Variants in HACL1 observed in about 807,000 individuals in gnomAD.
HACL1 encodes the protein 2-hydroxyacyl-CoA lyase 1.
In HACL1, 64 loss-of-function variants were observed where a neutral mutation model predicts 74.2. The observed-to-expected ratio is 0.86, with a 90% CI of 0.70 to 1.06. HACL1 has a LOEUF of 1.06. Ranked by LOEUF, HACL1 falls within the 50% of genes least tolerant of loss-of-function variation. HACL1 has a pLI of 0.00. For missense variants in HACL1, 728 were observed against 719.7 expected (o/e 1.01, Z -0.13); for synonymous variants, 230 against 238.8 (o/e 0.96, Z 0.34).
At chr3:15,587,563 T>C (rs2063816959) in intron 5 of HACL1, among the ~76,000 whole-genome samples, 1 of 152,114 alleles carries the variant, frequency 6.6e-6, no homozygotes, top group Non-Finnish European at 1.5e-5. Flanking sequence ...TAATAAACTA[T>C]TATTTTCCAT....
chr3:15,562,348 A>G (rs2063357718), intron 16 of HACL1, among the ~76,000 whole-genome samples: 1 of 152,084 alleles, frequency 6.6e-6, no homozygotes, highest in African/African-American at 2.4e-5. Flanking sequence ...CTTCCTCATC[A>G]CTAGGTTTCT....
Position 15,572,333 on chromosome 3 carries a change from T to C in HACL1, c.994-564A>G, listed in dbSNP as rs188260837. The stretch of plus-strand genomic sequence containing the variant: ...GTGTCTGCCAGATGCTAACACCTGA[T>C]AGAAAATCAATGGGTAACATGGAAG... On this transcript the variant is annotated intron_variant, in intron 11 of 16. Coordinates refer to ENST00000321169, the MANE Select transcript of HACL1 (RefSeq NM_012260.4). Among the ~76,000 whole-genome samples, 213 of 152,178 alleles carry C rather than the reference T, an allele frequency of 1.4e-3. 1 individual carries two copies. The highest frequency in any genetic ancestry group is 4.8e-3 in the African/African-American group (201 of 41,524).
chr3:15,571,675 G>A lies in HACL1; in HGVS notation c.1088C>T (p.Ala363Val), dbSNP rs775005229. ...LREKMKSNEA[A>V]SKELASKKSL... ...CAGTAGGTCCGATTTTACCTTGGAT[G>A]CAGCTTCATTGCTCTTCATTTTTTC... Residue 363 changes from alanine to valine, a missense_variant, in exon 12 of 17, where the codon GCA becomes GTA. Physicochemically the swap from Ala to Val is moderately conservative, Grantham distance 64. Coordinates refer to ENST00000321169, the MANE Select transcript of HACL1 (RefSeq NM_012260.4). The A allele has an allele frequency of 2.2e-5, 30 of 1,372,784 alleles. No individual in the cohort carries two copies. Among genetic ancestry groups the A allele is most frequent in the Non-Finnish European group, 3.0e-5 (29 of 960,740 alleles). The allele number at this position is 1,372,784 out of a possible 1,614,324, so 85.0% of individuals were successfully genotyped here. A position where few individuals can be genotyped will look rare whatever the true frequency, so the allele number is the denominator to read the frequency against.
At chr3:15,573,746 G>A (rs894520631) in intron 10 of HACL1, among the ~76,000 whole-genome samples, 35 of 152,304 alleles carry the variant, frequency 2.3e-4, no homozygotes, top group African/African-American at 7.0e-4. Flanking sequence ...GTGCTGATGC[G>A]CCTGGCCCAG....
intron 9 of HACL1, among the ~76,000 whole-genome samples, chr3:15,576,388 T>C (rs978158088): frequency 6.6e-6 from 1 of 152,092 alleles, no homozygotes; most frequent in Admixed American, 6.5e-5. Flanking sequence ...TGATTCATAT[T>C]CCAGAATTGC....
intron 8 of HACL1, among the ~76,000 whole-genome samples, chr3:15,581,104 G>C (rs1043059498): frequency 6.6e-6 from 1 of 152,194 alleles, no homozygotes; most frequent in Non-Finnish European, 1.5e-5. Flanking sequence ...GTTTCACCAT[G>C]TTGGCCAGGA....
In HACL1 at chr3:15,563,366, TC is replaced by T; in HGVS notation, c.1695del (p.Lys566ArgfsTer8). 1 of 1,611,896 alleles carries T rather than the reference TC, an allele frequency of 6.2e-7. No individual in the cohort carries two copies. The highest frequency in any genetic ancestry group is 1.1e-5 in the South Asian group (1 of 90,866). On this transcript the variant is annotated frameshift_variant, in exon 16 of 17. Transcript: ENST00000321169. LOFTEE classifies it high-confidence loss of function. The part of the protein sequence containing the change: ...INIMIEPQAT[R>X]KAQDFHWLTR... The stretch of plus-strand genomic sequence containing the variant: ...TTAGCAACTGTATTTACCTGGGCCT[TC>T]CGTGTGGCTTGTGGCTCAATCATGA...
rs1290771557 is a variant in HACL1 at position 15,571,838 on chromosome 3, T to TC, written c.994-70_994-69insG. The TC allele has an allele frequency of 1.5e-4, 88 of 604,662 alleles. No homozygotes were observed. In the Admixed American group the frequency reaches 2.7e-3, roughly 18 times the overall value. 37.5% of individuals were successfully genotyped at this position (604,662 alleles called of 1,614,324 possible). ...TCTTTGCCTTTTTTTTCTTTTTTTT[T>TC]TTTTTTTTTTTTTTTTTTTGAGACG... On this transcript the variant is annotated intron_variant, in intron 11 of 16. Transcript: ENST00000321169.
At chr3:15,561,422 G>A (rs991748430) in intron 16 of HACL1, among the ~76,000 whole-genome samples, 2 of 152,068 alleles carry the variant, frequency 1.3e-5, no homozygotes, top group African/African-American at 4.8e-5. Context: ...AAAGTATAAT[G>A]TATGTAAATT....
chr3:15,589,032 C>T (rs2063844332), intron 5 of HACL1, among the ~76,000 whole-genome samples: 1 of 152,178 alleles, frequency 6.6e-6, no homozygotes, highest in South Asian at 2.1e-4. Context: ...TAAGCAGGGC[C>T]TAAGCTCACC....
intron 4 of HACL1, among the ~76,000 whole-genome samples, chr3:15,590,285 T>C (rs545645020): frequency 6.6e-6 from 1 of 151,852 alleles, no homozygotes; most frequent in South Asian, 2.1e-4. Context: ...ATTTAGAAAT[T>C]GCAAAATAAG....
intron 16 of HACL1, 144 bp downstream of exon 16, chr3:15,563,214 C>G: frequency 1.6e-6 from 1 of 619,384 alleles, no homozygotes; most frequent in African/African-American, 1.8e-5. Flanking sequence ...ATTCACTGAA[C>G]AAGTACATGA....
intron 10 of HACL1, among the ~76,000 whole-genome samples, chr3:15,573,477 G>T (rs1264410075): frequency 6.6e-6 from 1 of 152,122 alleles, no homozygotes; most frequent in African/African-American, 2.4e-5. Context: ...TGGAATTTTG[G>T]TATTGCTTCA....
chr3:15,583,034 C>A, intron 7 of HACL1, 45 bp from the exon 8 acceptor site: 1 of 883,506 alleles, frequency 1.1e-6, no homozygotes. Flanking sequence ...CAACTATGAT[C>A]TTTTTATTGT....
In HACL1 at chr3:15,571,736, A is replaced by C; in HGVS notation, c.1027T>G (p.Tyr343Asp). The change falls in exon 12 of 17, where the codon TAT becomes GAT. Residue 343 changes from tyrosine (Y) to aspartate (D), a missense_variant. Tyr to Asp is a radical substitution (Grantham distance 160). Coordinates refer to ENST00000321169, the MANE Select transcript of HACL1 (RefSeq NM_012260.4). The part of the protein sequence containing the change: ...LEELDKTPWQ[Y>D]PPESKWWKTL... ...TTCCACCACTTGCTCTCTGGAGGAT[A>C]CTGCCATGGTGTTTTATCAAGTTCC... 6.6e-7 allele frequency: 1 copy of C among 1,506,190 alleles called. No homozygotes were observed. Among genetic ancestry groups the C allele is most frequent in the Non-Finnish European group, 9.2e-7 (1 of 1,088,754 alleles). The allele number at this position is 1,506,190 out of a possible 1,614,324, so 93.3% of individuals were successfully genotyped here. A position where few individuals can be genotyped will look rare whatever the true frequency, so the allele number is the denominator to read the frequency against.
intron 5 of HACL1, among the ~76,000 whole-genome samples, chr3:15,588,366 G>C (rs1204430030): frequency 6.6e-6 from 1 of 152,178 alleles, no homozygotes; most frequent in Admixed American, 6.6e-5. Flanking sequence ...GGCCAAGGTG[G>C]TGGATCACTT....
chr3:15,597,322 C>T (rs1301544092), intron 2 of HACL1, among the ~76,000 whole-genome samples: 1 of 152,116 alleles, frequency 6.6e-6, no homozygotes, highest in Non-Finnish European at 1.5e-5. Flanking sequence ...ATACTGCACG[C>T]TTTCAATCCT....
At chr3:15,567,642 A>G (rs2063459923) in intron 14 of HACL1, among the ~76,000 whole-genome samples, 1 of 152,204 alleles carries the variant, frequency 6.6e-6, no homozygotes, top group Admixed American at 6.5e-5. Context: ...GGTTTTTACC[A>G]TACAGTGAGG....
intron 3 of HACL1, among the ~76,000 whole-genome samples, chr3:15,592,957 C>G (rs1413853971): frequency 1.2e-5 from 1 of 83,234 alleles, no homozygotes; most frequent in Admixed American, 1.3e-4. Flanking sequence ...TGCGTGTATA[C>G]ACATGTACGC....
Sources: gnomAD v4.1 joint callset for allele counts (sites outside exome capture counted in the v4.1 genomes callset) on GRCh38, gnomAD v4.1.1 for gene constraint, MANE v1.5 for transcripts, NCBI Gene and HGNC (gene_info 2026-07-23, HGNC 2026-07-21) for gene names.